Variants in CDK12 observed in about 807,000 individuals in gnomAD.
CDK12 encodes the protein cyclin-dependent kinase 12.
Under a neutral mutation model 133.8 loss-of-function variants are expected in CDK12, and 17 were observed. That is an observed-to-expected ratio of 0.13 (90% CI 0.09 to 0.19). The LOEUF is 0.19. Ranked by LOEUF, CDK12 falls within the 10% of genes least tolerant of loss-of-function variation. The pLI is 1.00. For missense variants in CDK12, 1,508 were observed against 1,818.7 expected (o/e 0.83, Z 3.11); for synonymous variants, 694 against 683.6 (o/e 1.02, Z -0.24).
intron 2 of CDK12, among the ~76,000 whole-genome samples, chr17:39,479,985 G>A (rs1271561236): frequency 1.3e-5 from 2 of 150,540 alleles, no homozygotes; most frequent in Non-Finnish European, 2.9e-5. Flanking sequence ...GTGCAATGGC[G>A]TGATCTCGGC....
chr17:39,479,644 C>T (rs545580547), intron 2 of CDK12, among the ~76,000 whole-genome samples: 21 of 151,560 alleles, frequency 1.4e-4, no homozygotes, highest in Non-Finnish European at 2.5e-4. Context: ...TTTTTTCCCC[C>T]GAGACAGAGT....
chr17:39,463,110 C>T lies in CDK12; in HGVS notation c.1039C>T (p.Leu347Phe). Residue 347 changes from leucine (L) to phenylalanine (F), a missense_variant, in exon 1 of 14, where the codon CTC becomes TTC. By Grantham distance (22) the Leu-to-Phe change is conservative. Around this residue, in one of 9 missense-constraint regions of CDK12, gnomAD observed 460 missense variants for 490.8 expected, o/e 0.94. Transcript: ENST00000447079. ...CAAGCGGTCTCTGAGTCGGAGTCCA[C>T]TCCCCAGGTGAGCTATTTGTCTAAC... ...LSKRSLSRSP[L>F]PSRKSMKSRS... is the part of the protein sequence containing the mutation. 6.2e-7 allele frequency: 1 copy of T among 1,613,708 alleles called. No individual in the cohort carries two copies. Among genetic ancestry groups the T allele is most frequent in the Non-Finnish European group, 8.5e-7 (1 of 1,179,748 alleles).
intron 6 of CDK12, among the ~76,000 whole-genome samples, chr17:39,508,347 A>G (rs1419667243): frequency 6.6e-6 from 1 of 152,186 alleles, no homozygotes; most frequent in Admixed American, 6.5e-5. Flanking sequence ...TCATGTCCCA[A>G]GAAGTAGCAA....
intron 2 of CDK12, 21 bp from the exon 3 acceptor site, chr17:39,490,536 C>T (rs1411541120): frequency 6.5e-7 from 1 of 1,540,484 alleles, no homozygotes; most frequent in Non-Finnish European, 8.8e-7. Context: ...ATTTTGTCAT[C>T]TCTTCTCATT....
Position 39,461,623 on chromosome 17 carries a change from C to G in CDK12, c.-449C>G. The G allele has an allele frequency of 3.7e-6, 1 of 269,396 alleles. No individual in the cohort carries two copies. Among genetic ancestry groups the G allele is most frequent in the Non-Finnish European group, 7.2e-6 (1 of 138,384 alleles). 16.7% of individuals were successfully genotyped at this position (269,396 alleles called of 1,614,324 possible). On this transcript the variant is annotated 5_prime_UTR_variant, in exon 1 of 14. Transcript: ENST00000447079. The stretch of plus-strand genomic sequence containing the variant: ...ACAAAGGGGGCGTGAGGCACCTAGG[C>G]CGCGGCACCCCGGCGACAGGAAGCC...
upstream of CDK12, chr17:39,549,771 G>A (rs911885901): frequency 2.6e-5 from 4 of 152,182 alleles, no homozygotes; most frequent in Non-Finnish European, 5.9e-5. Flanking sequence ...CCAAAAGGAA[G>A]GCATTATAGC....
At chr17:39,525,754 A>G in intron 12 of CDK12, 110 bp from the exon 13 acceptor site, 3 of 767,058 alleles carry the variant, frequency 3.9e-6, no homozygotes, top group Middle Eastern at 4.8e-4. Flanking sequence ...GAGACATTTA[A>G]AATGAAATTT....
chr17:39,508,205 G>A (rs991634816), intron 6 of CDK12, among the ~76,000 whole-genome samples: 1 of 152,104 alleles, frequency 6.6e-6, no homozygotes, highest in South Asian at 2.1e-4. Context: ...CAGACGGCGG[G>A]GGGAGAAGGT....
intron 3 of CDK12, among the ~76,000 whole-genome samples, chr17:39,563,519 T>A (rs530381626): frequency 8.3e-6 from 1 of 120,504 alleles, no homozygotes; most frequent in African/African-American, 3.2e-5. Context: ...GTGCCAACTT[T>A]TTTCCCCCTC....
At chr17:39,560,358 A>G (rs1408146725) in intron 3 of CDK12, among the ~76,000 whole-genome samples, 1 of 152,240 alleles carries the variant, frequency 6.6e-6, no homozygotes, top group Admixed American at 6.5e-5. Flanking sequence ...TGTACTCATT[A>G]GCAATGAATG....
intron 3 of CDK12, among the ~76,000 whole-genome samples, chr17:39,560,979 A>G (rs1199491551): frequency 6.6e-6 from 1 of 152,020 alleles, no homozygotes; most frequent in African/African-American, 2.4e-5. Flanking sequence ...GTGCCGCTGC[A>G]CTCCAGCCTG....
chr17:39,489,165 C>G (rs113191540), intron 2 of CDK12, among the ~76,000 whole-genome samples: 7,158 of 151,116 alleles, frequency 0.047, 358 homozygotes, highest in African/African-American at 0.12. Flanking sequence ...ACTGCAACCT[C>G]CACCCCTGGG....
intron 3 of CDK12, among the ~76,000 whole-genome samples, chr17:39,562,638 A>G (rs758840303): frequency 3.0e-4 from 45 of 152,262 alleles, no homozygotes; most frequent in Non-Finnish European, 5.3e-4. Flanking sequence ...TTGCACAACT[A>G]CAGTTAATTG....
chr17:39,477,808 C>G (rs1239397697), intron 2 of CDK12, among the ~76,000 whole-genome samples: 1 of 149,306 alleles, frequency 6.7e-6, no homozygotes, highest in African/African-American at 2.5e-5. Context: ...CTCCTGACCT[C>G]GTGATCTGCC....
upstream of CDK12, among the ~76,000 whole-genome samples, chr17:39,544,699 G>A (rs1005015287): frequency 7.5e-5 from 11 of 146,976 alleles, no homozygotes; most frequent in African/African-American, 1.0e-4. Flanking sequence ...GCATGATCTC[G>A]GCTCACCGCA....
rs1188491147 is a variant in CDK12 at position 39,526,017 on chromosome 17, A to G, written c.3461A>G (p.Asn1154Ser). The G allele has an allele frequency of 6.2e-7, 1 of 1,614,040 alleles. No homozygotes were observed. Among genetic ancestry groups the G allele is most frequent in the African/African-American group, 1.3e-5 (1 of 74,912 alleles). The change falls in exon 13 of 14, where the codon AAC (asparagine) becomes AGC (serine). Residue 1154 changes from asparagine to serine, a missense_variant. Asn to Ser is a conservative substitution (Grantham distance 46). Transcript: ENST00000447079. Reference protein sequence around the residue: ...PEMQQQLEALNQSISALTEAT... With the variant: ...PEMQQQLEALSQSISALTEAT... ...ATGCAGCAGCAGCTGGAAGCCCTGA[A>G]CCAATCCATCAGTGCCCTGACGGAA...
intron 6 of CDK12, among the ~76,000 whole-genome samples, chr17:39,505,519 G>A (rs1297904969): frequency 4.3e-5 from 3 of 70,572 alleles, no homozygotes; most frequent in Non-Finnish European, 5.4e-5. Flanking sequence ...GCGAGACTCC[G>A]TCTCAAAAAA....
At chr17:39,489,585 A>G (rs2051414409) in intron 2 of CDK12, among the ~76,000 whole-genome samples, 1 of 148,892 alleles carries the variant, frequency 6.7e-6, no homozygotes, top group South Asian at 2.1e-4. Flanking sequence ...GCTCACTGGA[A>G]CGATTCAAGC....
intron 2 of CDK12, among the ~76,000 whole-genome samples, chr17:39,489,020 A>G (rs1364247573): frequency 4.0e-5 from 6 of 151,848 alleles, no homozygotes; most frequent in South Asian, 2.1e-4. Flanking sequence ...TCCTAGGCTC[A>G]AGCAATTCTC....
Sources: gnomAD v4.1 joint callset for allele counts (sites outside exome capture counted in the v4.1 genomes callset) on GRCh38, gnomAD v4.1.1 for gene constraint, gnomAD v4.1.1 regional missense constraint, MANE v1.5 for transcripts, NCBI Gene and HGNC (gene_info 2026-07-23, HGNC 2026-07-21) for gene names.